Variants in MSI2 observed in about 807,000 individuals in gnomAD.
MSI2 encodes the protein RNA-binding protein Musashi homolog 2.
A neutral mutation model predicts 45.6 loss-of-function variants in MSI2; 17 were observed. The observed-to-expected ratio is 0.37, with a 90% CI of 0.26 to 0.56. MSI2 has a LOEUF of 0.56. MSI2 is among the 20% of genes least tolerant of loss of function. The pLI is 0.77. For missense variants in MSI2, 293 were observed against 444.2 expected, an observed-to-expected ratio of 0.66 and a Z score of 3.06; for synonymous variants, 156 against 158.2, an observed-to-expected ratio of 0.99 and a Z score of 0.11.
chr17:57,520,807 C>T (rs2086567501), intron 6 of MSI2, among the ~76,000 whole-genome samples: 2 of 135,814 alleles, frequency 1.5e-5, no homozygotes, highest in African/African-American at 2.9e-5. Context: ...TTGTGCACCA[C>T]GACACCCAAC....
At position 57,474,229 on chromosome 17, in the gene MSI2, C is replaced by T. The variant is rs920403969; in HGVS notation, c.406-55447C>T. On this transcript the variant is annotated intron_variant, in intron 6 of 13. Coordinates refer to ENST00000284073, the MANE Select transcript of MSI2 (RefSeq NM_138962.4). ...GGTATTCATAGCAGTTGGGTCTAGA[C>T]GTGCTCATTTATTCAGCATCTCATT... 7.2e-5 allele frequency among the ~76,000 whole-genome samples: 11 copies of T among 152,094 alleles called. No homozygotes were observed. The East Asian group carries it at 1.7e-3, about 24-fold the overall frequency.
At chr17:57,267,497 G>T (rs1210647292) in intron 5 of MSI2, 1 of 152,154 alleles carries the variant, frequency 6.6e-6, no homozygotes, top group Non-Finnish European at 1.5e-5. Flanking sequence ...CGGGAAGGGA[G>T]GAGAAGGCAG....
chr17:57,596,566 C>T lies in MSI2; in HGVS notation c.455-302C>T, dbSNP rs1905264155. ...CCGCCTGCTGCCGTGCACAGAGCCG[C>T]GGGGCTCTGACCCTTGTAAATAACA... On this transcript the variant is annotated intron_variant, in intron 7 of 13. Transcript: ENST00000284073. The surrounding 1 kb of genome is among the most constrained non-coding windows in gnomAD (Gnocchi z 4.6). Among the ~76,000 whole-genome samples, 1 of 152,232 alleles carries T rather than the reference C, an allele frequency of 6.6e-6. No individual in the cohort carries two copies. Among genetic ancestry groups the T allele is most frequent in the Admixed American group, 6.5e-5 (1 of 15,288 alleles).
Position 57,471,064 on chromosome 17 carries a change from G to C in MSI2, c.406-58612G>C, listed in dbSNP as rs1316872803. The stretch of plus-strand genomic sequence containing the variant: ...CCATCTGAAGACCTTGCTTAGAGCA[G>C]AGGTTGGGGACCCCATGTGGCATGT... On this transcript the variant is annotated intron_variant, in intron 6 of 13. Transcript: ENST00000284073. 2.0e-5 allele frequency among the ~76,000 whole-genome samples: 3 copies of C among 152,164 alleles called. No homozygotes were observed. In the South Asian group the frequency reaches 6.2e-4, roughly 32 times the overall value.
intron 7 of MSI2, among the ~76,000 whole-genome samples, chr17:57,539,707 G>T (rs940634607): frequency 7.0e-6 from 1 of 142,922 alleles, no homozygotes; most frequent in Non-Finnish European, 1.5e-5. Context: ...CCCAGACAAC[G>T]TGCTATTATT....
intron 5 of MSI2, among the ~76,000 whole-genome samples, chr17:57,340,520 G>A (rs1050607048): frequency 1.3e-5 from 2 of 152,180 alleles, no homozygotes; most frequent in African/African-American, 2.4e-5. Flanking sequence ...GAGAAATAGA[G>A]GGGCATTGAT....
chr17:57,342,880 G>A (rs792399), intron 5 of MSI2, among the ~76,000 whole-genome samples: 1 of 151,922 alleles, frequency 6.6e-6, no homozygotes, highest in African/African-American at 2.4e-5. Flanking sequence ...GCCATTATAA[G>A]TCTTACTTAC....
At chr17:57,263,817 C>G (rs1199083215) in intron 5 of MSI2, 4 of 152,244 alleles carry the variant, frequency 2.6e-5, no homozygotes, top group Non-Finnish European at 5.9e-5. Flanking sequence ...TTTCCCAACC[C>G]TCAACTCCAC....
chr17:57,413,247 T>G (rs1435091479), intron 6 of MSI2, among the ~76,000 whole-genome samples: 1 of 152,232 alleles, frequency 6.6e-6, no homozygotes, highest in Non-Finnish European at 1.5e-5. Context: ...ACCACTCAAT[T>G]CTTCTACCCA....
chr17:57,549,627 C>A (rs767632635), intron 7 of MSI2, among the ~76,000 whole-genome samples: 1 of 152,110 alleles, frequency 6.6e-6, no homozygotes, highest in Non-Finnish European at 1.5e-5. Flanking sequence ...TTTCATACAT[C>A]CCCACATTTA....
chr17:57,499,810 TC>T (rs1446322999), intron 6 of MSI2, among the ~76,000 whole-genome samples: 2 of 152,222 alleles, frequency 1.3e-5, no homozygotes, highest in African/African-American at 4.8e-5. Flanking sequence ...TCAGGACTTC[TC>T]CCCATGGTCT....
chr17:57,668,135 G>A (rs555258838), intron 11 of MSI2, among the ~76,000 whole-genome samples: 38 of 152,226 alleles, frequency 2.5e-4, no homozygotes, highest in African/African-American at 9.1e-4. Context: ...GGAGGCAGAG[G>A]TTGCAGTGAG....
In MSI2 at chr17:57,416,926, C is replaced by T. The variant is rs186772803; in HGVS notation, c.405+15455C>T. ...GGAACCCAAGCTAGGTATTAAGCACCATGATGGGGCCACAGAGATGGGTGA... is the reference window on the plus strand; with the variant it reads ...GGAACCCAAGCTAGGTATTAAGCACTATGATGGGGCCACAGAGATGGGTGA... On this transcript the variant is annotated intron_variant, in intron 6 of 13. Coordinates refer to ENST00000284073, the MANE Select transcript of MSI2 (RefSeq NM_138962.4). Among the ~76,000 whole-genome samples, 309 of 152,294 alleles carry T rather than the reference C, an allele frequency of 2.0e-3. 4 individuals are homozygous for T. Among genetic ancestry groups the T allele is most frequent in the Non-Finnish European group, 3.1e-4 (21 of 68,020 alleles).
At chr17:57,674,556 C>G (rs1445655972) in intron 11 of MSI2, among the ~76,000 whole-genome samples, 1 of 151,226 alleles carries the variant, frequency 6.6e-6, no homozygotes, top group Admixed American at 6.6e-5. Flanking sequence ...CTCAACGTGC[C>G]CAGATCTAGA....
intron 6 of MSI2, among the ~76,000 whole-genome samples, chr17:57,415,431 T>C (rs1407767805): frequency 6.6e-6 from 1 of 152,146 alleles, no homozygotes; most frequent in African/African-American, 2.4e-5. Flanking sequence ...AACTTTGGAA[T>C]TGGGCAGACC....
chr17:57,648,312 A>G (rs983184047), intron 10 of MSI2, among the ~76,000 whole-genome samples: 1 of 152,112 alleles, frequency 6.6e-6, no homozygotes, highest in African/African-American at 2.4e-5. Context: ...CCTAGCTCTC[A>G]CTAATTAAGC....
At chr17:57,513,940 A>G (rs545601610) in intron 6 of MSI2, among the ~76,000 whole-genome samples, 18 of 152,358 alleles carry the variant, frequency 1.2e-4, no homozygotes, top group African/African-American at 4.3e-4. Flanking sequence ...GAATTAGGCA[A>G]AAATCTTCAT....
chr17:57,538,313 T>C (rs761273426), intron 7 of MSI2, among the ~76,000 whole-genome samples: 1 of 152,178 alleles, frequency 6.6e-6, no homozygotes, highest in African/African-American at 2.4e-5. Context: ...GTCCCGGTTA[T>C]TATGCACCTC....
intron 5 of MSI2, among the ~76,000 whole-genome samples, chr17:57,334,627 C>T (rs1914543152): frequency 6.6e-6 from 1 of 152,072 alleles, no homozygotes; most frequent in African/African-American, 2.4e-5. Context: ...AACTCCGTCT[C>T]TACTAAAAAT....
Sources: allele counts gnomAD v4.1 joint callset (sites outside exome capture counted in the v4.1 genomes callset), GRCh38; gene constraint gnomAD v4.1.1; non-coding constraint Gnocchi (gnomAD v3.1); transcripts MANE v1.5; gene names NCBI Gene and HGNC (gene_info 2026-07-23, HGNC 2026-07-21).